WDR7: variants seen among roughly 807,000 people sequenced by gnomAD.
WDR7 encodes WD repeat domain 7.
Under a neutral mutation model 169.4 loss-of-function variants are expected in WDR7, and 46 were observed. The observed-to-expected ratio is 0.27, with a 90% CI of 0.21 to 0.35. The LOEUF (loss-of-function observed/expected upper bound fraction) is 0.35. Ranked by LOEUF, WDR7 falls within the 10% of genes least tolerant of loss-of-function variation. The pLI, the probability that WDR7 is intolerant of heterozygous loss-of-function variation, is 1.00. For missense variants in WDR7, 1,534 were observed against 1,859.3 expected (o/e 0.83, Z 3.22); for synonymous variants, 612 against 666.8 (o/e 0.92, Z 1.27).
intron 9 of WDR7, among the ~76,000 whole-genome samples, chr18:56,693,712 C>T (rs913232461): frequency 6.6e-6 from 1 of 151,416 alleles, no homozygotes; most frequent in African/African-American, 2.4e-5. Context: ...GCTGGGATTA[C>T]AGGCACGCAC....
chr18:56,917,551 G>A (rs55669524), intron 21 of WDR7, among the ~76,000 whole-genome samples: 6 of 152,284 alleles, frequency 3.9e-5, no homozygotes, highest in Non-Finnish European at 8.8e-5. Context: ...AAATGTGTGT[G>A]CATGCATGTG....
intron 22 of WDR7, 107 bp downstream of exon 22, chr18:56,924,215 A>G (rs1176511570): frequency 8.1e-7 from 1 of 1,231,510 alleles, no homozygotes; most frequent in Non-Finnish European, 1.1e-6. Context: ...TTTAATAGAT[A>G]AAAAATACAC....
At chr18:56,808,969 G>C (rs559616678) in intron 19 of WDR7, among the ~76,000 whole-genome samples, 1 of 152,144 alleles carries the variant, frequency 6.6e-6, no homozygotes, top group Admixed American at 6.6e-5. Flanking sequence ...GGATCTCATA[G>C]TCTTTCTTGT....
In WDR7 at chr18:56,863,728, A is replaced by T. The variant is rs571620011; in HGVS notation, c.3305-16216A>T. On this transcript the variant is annotated intron_variant, in intron 20 of 27. Transcript: ENST00000254442. ...GTTATCTGCATATTATACAAGTATT[A>T]ATAGATGACTTTTAGCTTTACTGTT... Among the ~76,000 whole-genome samples, 11 of 151,932 alleles carry T rather than the reference A, an allele frequency of 7.2e-5. No homozygotes were observed. In the East Asian group the frequency reaches 2.1e-3, roughly 29 times the overall value.
In WDR7 at chr18:56,756,811, G is replaced by A. The variant is rs764013104; in HGVS notation, c.2218G>A (p.Ala740Thr). ...CTCTTTTTTAACTGGAAAACGAGCA[G>A]CAGTTCTCTTCCAACAAGTGAAAGA... ...GGSFLTGKRA[A>T]VLFQQVKETI... Residue 740 changes from alanine (A) to threonine (T), a missense_variant, in exon 15 of 28, where the codon GCA becomes ACA. Transcript: ENST00000254442. 8.1e-6 allele frequency: 13 copies of A among 1,613,972 alleles called. No homozygotes were observed. The highest frequency in any genetic ancestry group is 2.2e-5 in the East Asian group (1 of 44,892).
chr18:56,867,679 A>G (rs1181196564), intron 20 of WDR7, among the ~76,000 whole-genome samples: 6 of 152,330 alleles, frequency 3.9e-5, no homozygotes, highest in Non-Finnish European at 8.8e-5. Context: ...CAAACATTAA[A>G]CTTTTCCCCT....
At chr18:57,001,424 G>GCA in intron 26 of WDR7, among the ~76,000 whole-genome samples, 1 of 152,200 alleles carries the variant, frequency 6.6e-6, no homozygotes, top group African/African-American at 2.4e-5. Context: ...TTAGCCTTGT[G>GCA]CTCTCAATAG....
At chr18:56,990,090 G>A (rs1048787898) in intron 26 of WDR7, among the ~76,000 whole-genome samples, 45 of 152,240 alleles carry the variant, frequency 3.0e-4, no homozygotes, top group African/African-American at 9.9e-4. Flanking sequence ...GCCATCCTAA[G>A]CAGAAAACTA....
At chr18:56,735,395 A>G (rs2026677600) in intron 14 of WDR7, among the ~76,000 whole-genome samples, 1 of 152,152 alleles carries the variant, frequency 6.6e-6, no homozygotes, top group East Asian at 1.9e-4. Context: ...CGTGCATCTT[A>G]TTGGTAGTGT....
chr18:56,928,037 A>G (rs2046831174), intron 22 of WDR7, among the ~76,000 whole-genome samples: 1 of 152,246 alleles, frequency 6.6e-6, no homozygotes, highest in Non-Finnish European at 1.5e-5. Flanking sequence ...GGGGAAGGAC[A>G]GGGGCATGCG....
chr18:56,936,875 TTTAAAATGCACATATGTATGTATTTA>T (rs1398772151), intron 23 of WDR7, among the ~76,000 whole-genome samples: 1 of 152,216 alleles, frequency 6.6e-6, no homozygotes, highest in Non-Finnish European at 1.5e-5. Flanking sequence ...TTCCACTAGA[TTTAAAATGCACATATGTATGTATTTA>T]TTTTGTAGGT....
intron 11 of WDR7, among the ~76,000 whole-genome samples, chr18:56,695,424 C>A (rs2025678308): frequency 6.6e-6 from 1 of 151,868 alleles, no homozygotes; most frequent in South Asian, 2.1e-4. Context: ...AATTTTATCT[C>A]TTTGAGATAT....
chr18:56,895,455 AAAT>A (rs2046320146), intron 21 of WDR7, among the ~76,000 whole-genome samples: 1 of 146,618 alleles, frequency 6.8e-6, no homozygotes, highest in African/African-American at 2.5e-5. Flanking sequence ...GGGATAGGAA[AAAT>A]TTGCTAGATA....
chr18:57,023,035 AT>A (rs1348724209), intron 27 of WDR7, among the ~76,000 whole-genome samples: 1 of 152,220 alleles, frequency 6.6e-6, no homozygotes, highest in African/African-American at 2.4e-5. Flanking sequence ...TCTAAAACCA[AT>A]GTCGGAATTT....
At chr18:56,841,311 G>T (rs1285695876) in intron 20 of WDR7, among the ~76,000 whole-genome samples, 1 of 151,618 alleles carries the variant, frequency 6.6e-6, no homozygotes, top group Non-Finnish European at 1.5e-5. Flanking sequence ...GGAGGCTGAG[G>T]CAGGCAGATC....
intron 20 of WDR7, among the ~76,000 whole-genome samples, chr18:56,843,795 G>A (rs1427354053): frequency 2.0e-5 from 3 of 151,414 alleles, no homozygotes; most frequent in African/African-American, 7.3e-5. Context: ...TCCTACTAGC[G>A]GTGCATTATA....
intron 22 of WDR7, 79 bp from the exon 23 acceptor site, chr18:56,935,709 T>C: frequency 6.6e-6 from 9 of 1,370,080 alleles, no homozygotes; most frequent in Non-Finnish European, 8.3e-6. Flanking sequence ...GAACTGACAT[T>C]ATAAGCTGTG....
At chr18:56,888,519 G>A (rs968966446) in intron 21 of WDR7, among the ~76,000 whole-genome samples, 3 of 152,182 alleles carry the variant, frequency 2.0e-5, no homozygotes, top group African/African-American at 4.8e-5. Flanking sequence ...ATCACCTTCC[G>A]ATTTTCTTCT....
chr18:56,841,902 CT>C (rs1400748263), intron 20 of WDR7, among the ~76,000 whole-genome samples: 1 of 152,098 alleles, frequency 6.6e-6, no homozygotes, highest in Non-Finnish European at 1.5e-5. Context: ...ACTTTTCCTA[CT>C]TTTTTAATAA....
Sources: gnomAD v4.1 joint callset for allele counts (sites outside exome capture counted in the v4.1 genomes callset) on GRCh38, gnomAD v4.1.1 for gene constraint, MANE v1.5 for transcripts, NCBI Gene and HGNC (gene_info 2026-07-23, HGNC 2026-07-21) for gene names.